NLGN1: variants seen among roughly 807,000 people sequenced by gnomAD.
NLGN1 encodes neuroligin-1.
A neutral mutation model predicts 65.5 loss-of-function variants in NLGN1; 12 were observed. The ratio of observed to expected loss-of-function variants is 0.18; its 90% CI spans 0.12 to 0.30. The LOEUF is 0.30. NLGN1 is among the 10% of genes least tolerant of loss of function. The probability of loss-of-function intolerance (pLI) is 1.00; values close to 1 mark genes in which losing one functional copy is unlikely to be tolerated. For missense variants in NLGN1, 750 were observed against 1,007.1 expected (o/e 0.74, Z 3.46); for synonymous variants, 350 against 359.5 (o/e 0.97, Z 0.30).
intron 4 of NLGN1, among the ~76,000 whole-genome samples, chr3:174,115,238 A>G (rs547702286): frequency 2.0e-5 from 3 of 152,308 alleles, no homozygotes; most frequent in South Asian, 2.1e-4. Flanking sequence ...TGACTTTGGA[A>G]AGTGATTTGA....
intron 3 of NLGN1, among the ~76,000 whole-genome samples, chr3:173,667,239 G>GCGCACACACACACACA (rs150296232): frequency 6.8e-6 from 1 of 147,328 alleles, no homozygotes; most frequent in Non-Finnish European, 1.5e-5. Context: ...ACACGCATAT[G>GCGCACACACACACACA]CACACACACA....
chr3:174,110,357 A>ATC (rs1418949787), intron 4 of NLGN1, among the ~76,000 whole-genome samples: 1 of 151,884 alleles, frequency 6.6e-6, no homozygotes, highest in East Asian at 1.9e-4. Flanking sequence ...TTTTATTTCT[A>ATC]TCTAGCTGTT....
chr3:173,859,242 A>G lies in NLGN1; in HGVS notation c.646+51410A>G, dbSNP rs918989593. Among the ~76,000 whole-genome samples the G allele has an allele frequency of 2.0e-5, 3 of 152,156 alleles. No homozygotes were observed. In the East Asian group the frequency reaches 5.8e-4, roughly 29 times the overall value. On this transcript the variant is annotated intron_variant, in intron 4 of 6. Transcript: ENST00000457714. ...GAATGAAGTATTTTGAACATCTTTTAATAACTAACTATGAAAACTATATCA... is the reference window on the plus strand; with the variant it reads ...GAATGAAGTATTTTGAACATCTTTTGATAACTAACTATGAAAACTATATCA...
At chr3:173,989,764 C>T (rs929126339) in intron 4 of NLGN1, among the ~76,000 whole-genome samples, 2 of 152,158 alleles carry the variant, frequency 1.3e-5, no homozygotes, top group Admixed American at 6.5e-5. Context: ...TCCTTTTCCC[C>T]GTGCTCAGCA....
At chr3:174,088,676 T>C (rs1743905060) in intron 4 of NLGN1, among the ~76,000 whole-genome samples, 1 of 150,882 alleles carries the variant, frequency 6.6e-6, no homozygotes, top group African/African-American at 2.4e-5. Flanking sequence ...TGGTGTGAAC[T>C]CGGGAGGCGG....
At chr3:173,935,622 A>ACACT (rs761590257) in intron 4 of NLGN1, among the ~76,000 whole-genome samples, 25 of 108,004 alleles carry the variant, frequency 2.3e-4, no homozygotes, top group African/African-American at 6.0e-4. Context: ...ACACACACAC[A>ACACT]CTCTCTCTCT....
intron 2 of NLGN1, among the ~76,000 whole-genome samples, chr3:173,501,101 T>C (rs1186573558): frequency 1.3e-5 from 2 of 152,150 alleles, no homozygotes; most frequent in African/African-American, 4.8e-5. Flanking sequence ...TATTTATTTA[T>C]TTTGTTAATT....
chr3:173,472,278 CT>C (rs993683833), intron 2 of NLGN1, among the ~76,000 whole-genome samples: 1 of 151,998 alleles, frequency 6.6e-6, no homozygotes, highest in Non-Finnish European at 1.5e-5. Context: ...GTTTCCTCCA[CT>C]TTTTTTGTTT....
intron 3 of NLGN1, among the ~76,000 whole-genome samples, chr3:173,791,337 CTTACT>C (rs1481458804): frequency 6.6e-6 from 1 of 152,160 alleles, no homozygotes; most frequent in African/African-American, 2.4e-5. Context: ...TACTCTTGTC[CTTACT>C]TTACATCTGG....
intron 3 of NLGN1, among the ~76,000 whole-genome samples, chr3:173,637,242 A>G (rs986480812): frequency 7.9e-5 from 12 of 152,146 alleles, no homozygotes; most frequent in Non-Finnish European, 1.3e-4. Flanking sequence ...TGTATCTAGA[A>G]GGCAGTTTAT....
intron 4 of NLGN1, among the ~76,000 whole-genome samples, chr3:173,974,266 T>C (rs546938342): frequency 5.3e-4 from 81 of 152,134 alleles, no homozygotes; most frequent in South Asian, 1.7e-3. Flanking sequence ...GGAGTAATAA[T>C]TGAATTTTTG....
At chr3:174,109,259 AT>A (rs1475400617) in intron 4 of NLGN1, among the ~76,000 whole-genome samples, 1 of 151,952 alleles carries the variant, frequency 6.6e-6, no homozygotes, top group Non-Finnish European at 1.5e-5. Context: ...TTTTGAGATA[AT>A]TTTTTAAATA....
chr3:173,647,703 C>T (rs1758498927), intron 3 of NLGN1, among the ~76,000 whole-genome samples: 1 of 151,844 alleles, frequency 6.6e-6, no homozygotes, highest in Non-Finnish European at 1.5e-5. Context: ...ATACTAAACG[C>T]CTATATTAGA....
At chr3:173,535,519 T>C (rs146671174) in intron 2 of NLGN1, among the ~76,000 whole-genome samples, 6 of 152,220 alleles carry the variant, frequency 3.9e-5, no homozygotes, top group African/African-American at 1.4e-4. Context: ...GTGACAGGAC[T>C]ATAGACAGTG....
At chr3:173,649,452 A>G (rs940037299) in intron 3 of NLGN1, among the ~76,000 whole-genome samples, 2 of 152,158 alleles carry the variant, frequency 1.3e-5, no homozygotes, top group African/African-American at 2.4e-5. Context: ...ATCAAATTAC[A>G]TATTTTAAAT....
intron 3 of NLGN1, among the ~76,000 whole-genome samples, chr3:173,626,725 A>T (rs555526295): frequency 5.3e-4 from 80 of 152,212 alleles, no homozygotes; most frequent in African/African-American, 1.8e-3. Flanking sequence ...CTGAAAAATG[A>T]TGTCACCATT....
At chr3:173,754,891 T>C (rs1776861684) in intron 3 of NLGN1, among the ~76,000 whole-genome samples, 1 of 152,104 alleles carries the variant, frequency 6.6e-6, no homozygotes, top group Non-Finnish European at 1.5e-5. Flanking sequence ...CTTTATTTAA[T>C]TTATACAACA....
At chr3:174,126,436 A>G (rs1000512478) in intron 4 of NLGN1, among the ~76,000 whole-genome samples, 2 of 152,150 alleles carry the variant, frequency 1.3e-5, no homozygotes, top group Admixed American at 6.5e-5. Context: ...AGATGATCCA[A>G]GTGTTGAATG....
intron 2 of NLGN1, among the ~76,000 whole-genome samples, chr3:173,582,414 T>C (rs1222839061): frequency 6.6e-6 from 1 of 152,100 alleles, no homozygotes; most frequent in East Asian, 1.9e-4. Context: ...TCTGAACTTG[T>C]ACTATCATAT....
Sources: gnomAD v4.1 joint callset for allele counts (sites outside exome capture counted in the v4.1 genomes callset) on GRCh38, gnomAD v4.1.1 for gene constraint, MANE v1.5 for transcripts, NCBI Gene and HGNC (gene_info 2026-07-23, HGNC 2026-07-21) for gene names.